Variants in KIF13A observed in about 807,000 individuals in gnomAD.
The protein encoded by KIF13A is kinesin-like protein KIF13A.
KIF13A carries 79 observed loss-of-function variants against 212.2 expected under a neutral mutation model. That is an observed-to-expected ratio of 0.37 (90% CI 0.31 to 0.45). KIF13A has a LOEUF of 0.45. KIF13A is among the 20% of genes least tolerant of loss of function. The pLI is 1.00. For synonymous variants in KIF13A, 789 were observed against 808.6 expected (o/e 0.98, Z 0.41); for missense variants, 1,901 against 2,209.0 (o/e 0.86, Z 2.79).
chr6:17,908,801 GAC>G (rs1773764439), intron 2 of KIF13A, among the ~76,000 whole-genome samples: 1 of 152,024 alleles, frequency 6.6e-6, no homozygotes, highest in Admixed American at 6.5e-5. Context: ...TGATTTTTTG[GAC>G]TACTTTGGTA....
intron 38 of KIF13A, chr6:17,770,671 G>T: frequency 4.3e-6 from 1 of 232,474 alleles, no homozygotes; most frequent in Non-Finnish European, 7.2e-6. Context: ...AATTATCTTG[G>T]CAATAGCATC....
chr6:17,765,236 A>C (rs1758842011), intron 38 of KIF13A, among the ~76,000 whole-genome samples: 1 of 152,226 alleles, frequency 6.6e-6, no homozygotes, highest in South Asian at 2.1e-4. Context: ...GTTTAAGAGA[A>C]AGAATGGAAC....
In KIF13A at chr6:17,895,738, T is replaced by C. The variant is rs904423566; in HGVS notation, c.159+2430A>G. On this transcript the variant is annotated intron_variant, in intron 3 of 38. Transcript: ENST00000259711. The surrounding 1 kb of genome is among the most constrained non-coding windows in gnomAD (Gnocchi z 4.4). ...GGCATATATCTAAATGCTAGGTTCA[T>C]CTCTCTAAATTTTTACCTCTTTCTG... 2.6e-5 allele frequency among the ~76,000 whole-genome samples: 4 copies of C among 152,332 alleles called. No individual in the cohort carries two copies. Among genetic ancestry groups the C allele is most frequent in the Middle Eastern group, 3.4e-3 (1 of 294 alleles).
intron 9 of KIF13A, among the ~76,000 whole-genome samples, chr6:17,842,273 A>AC: frequency 6.6e-6 from 1 of 151,798 alleles, no homozygotes; most frequent in East Asian, 1.9e-4. Context: ...TTGGTCTCGA[A>AC]CACCTGGGCT....
At chr6:17,957,405 T>C (rs1461352589) in intron 2 of KIF13A, among the ~76,000 whole-genome samples, 1 of 152,170 alleles carries the variant, frequency 6.6e-6, no homozygotes, top group East Asian at 1.9e-4. Flanking sequence ...GACCTCGCCC[T>C]ATGTATCTCT....
rs1409391348 is a variant in KIF13A, at chr6:17,771,885, G to A, written c.4476+23C>T. The A allele has an allele frequency of 5.6e-6, 9 of 1,613,036 alleles. No individual in the cohort carries two copies. The highest frequency in any genetic ancestry group is 6.8e-6 in the Non-Finnish European group (8 of 1,179,232). The stretch of plus-strand genomic sequence containing the variant: ...ACACAACTCTGCTCTATTCTGCATA[G>A]TACAGACAAGTCAAGCATTTACCTC... On this transcript the variant is annotated intron_variant, in intron 37 of 38. Coordinates refer to ENST00000259711, the MANE Select transcript of KIF13A (RefSeq NM_022113.6). The surrounding 1 kb of genome is among the most constrained non-coding windows in gnomAD (Gnocchi z 5.4).
At chr6:17,944,074 T>A (rs1290945409) in intron 2 of KIF13A, among the ~76,000 whole-genome samples, 5 of 152,240 alleles carry the variant, frequency 3.3e-5, no homozygotes, top group Admixed American at 2.0e-4. Context: ...AACTCTACGT[T>A]ATTATCTATA....
At chr6:17,840,886 T>G (rs1394865886) in intron 9 of KIF13A, among the ~76,000 whole-genome samples, 1 of 152,104 alleles carries the variant, frequency 6.6e-6, no homozygotes, top group African/African-American at 2.4e-5. Context: ...CAATTTTCCT[T>G]TTGTAAAGGA....
intron 2 of KIF13A, among the ~76,000 whole-genome samples, chr6:17,933,111 A>C (rs1028097353): frequency 6.6e-6 from 1 of 152,150 alleles, no homozygotes; most frequent in African/African-American, 2.4e-5. Flanking sequence ...TCCTGGGCCC[A>C]GTTTCTCTTC....
intron 3 of KIF13A, among the ~76,000 whole-genome samples, chr6:17,882,680 G>A (rs1425393186): frequency 6.6e-6 from 1 of 151,870 alleles, no homozygotes; most frequent in African/African-American, 2.4e-5. Context: ...CCTTGCCTCA[G>A]CCTCCTGAGT....
chr6:17,891,065 T>C (rs190094654), intron 3 of KIF13A, among the ~76,000 whole-genome samples: 53 of 152,278 alleles, frequency 3.5e-4, no homozygotes, highest in African/African-American at 1.2e-3. Flanking sequence ...CTACAAATTA[T>C]GAGACAAAGC....
intron 19 of KIF13A, 76 bp from the exon 20 acceptor site, chr6:17,804,586 G>T: frequency 5.4e-6 from 7 of 1,284,412 alleles, no homozygotes; most frequent in Non-Finnish European, 7.3e-6. Context: ...TTTAAAACTA[G>T]CATTTGAAAA....
At chr6:17,932,786 G>C (rs1002321447) in intron 2 of KIF13A, among the ~76,000 whole-genome samples, 3 of 144,412 alleles carry the variant, frequency 2.1e-5, no homozygotes, top group Non-Finnish European at 3.0e-5. Context: ...CGAGGAGGAA[G>C]TCTGTGAGAA....
chr6:17,916,463 G>A (rs188513258), intron 2 of KIF13A, among the ~76,000 whole-genome samples: 7 of 152,318 alleles, frequency 4.6e-5, no homozygotes, highest in Non-Finnish European at 8.8e-5. Flanking sequence ...AAGGTTGCAA[G>A]TTTCTCTTCC....
rs1777469298 is a variant in KIF13A at position 17,947,125 on chromosome 6, G to C, written c.146+39929C>G. On this transcript the variant is annotated intron_variant, in intron 2 of 38. Coordinates refer to ENST00000259711, the MANE Select transcript of KIF13A (RefSeq NM_022113.6). The surrounding 1 kb of genome is among the most constrained non-coding windows in gnomAD (Gnocchi z 4.6). Reference sequence around the variant, plus strand: ...AAAACCAGGCAAATATAATATTAAAGTTGTTAAATTATAAAGAAAACTAAG... The same window carrying C: ...AAAACCAGGCAAATATAATATTAAACTTGTTAAATTATAAAGAAAACTAAG... Among the ~76,000 whole-genome samples the C allele has an allele frequency of 6.6e-6, 1 of 152,202 alleles. No individual in the cohort carries two copies. The highest frequency in any genetic ancestry group is 2.4e-5 in the African/African-American group (1 of 41,532).
At position 17,799,656 on chromosome 6, in the gene KIF13A, C is replaced by T. The variant is rs966469353; in HGVS notation, c.2617-217G>A. ...GTATATAAACTTGGCAACAAATACA[C>T]ACATTCCTGCAAAAGCTTCCTAATG... On this transcript the variant is annotated intron_variant, in intron 21 of 38. Coordinates refer to ENST00000259711, the MANE Select transcript of KIF13A (RefSeq NM_022113.6). The surrounding 1 kb of genome is among the most constrained non-coding windows in gnomAD (Gnocchi z 4.4). Among the ~76,000 whole-genome samples, 2 of 152,132 alleles carry T rather than the reference C, an allele frequency of 1.3e-5. No individual in the cohort carries two copies. The highest frequency in any genetic ancestry group is 4.8e-5 in the African/African-American group (2 of 41,444).
rs77557691 is a variant in KIF13A at position 17,786,096 on chromosome 6, A to G, written c.3362-455T>C. Among the ~76,000 whole-genome samples the G allele has an allele frequency of 1.5e-3, 229 of 152,340 alleles. 1 individual carries two copies. Among genetic ancestry groups the G allele is most frequent in the African/African-American group, 5.2e-3 (218 of 41,576 alleles). ...AGGAACTGCAAGCCAGAAATAGCAG[A>G]AAGAGCATTGGAACAGCAATTATGA... On this transcript the variant is annotated intron_variant, in intron 27 of 38. Coordinates refer to ENST00000259711, the MANE Select transcript of KIF13A (RefSeq NM_022113.6). This position sits in a 1 kb window ranked among gnomAD's most constrained non-coding sequence, Gnocchi z 5.4.
chr6:17,944,993 T>C (rs964581237), intron 2 of KIF13A, among the ~76,000 whole-genome samples: 5 of 152,204 alleles, frequency 3.3e-5, no homozygotes, highest in Admixed American at 6.5e-5. Flanking sequence ...CACTTCTAGG[T>C]TGGGCACAGT....
Position 17,900,222 on chromosome 6 carries a change from A to C in KIF13A, c.147-2042T>G, listed in dbSNP as rs577729913. ...CCAGTGAGCTCTCTGGAGTTCTCTT[A>C]TGTGCCCTTTATGCCACAGCCACAG... On this transcript the variant is annotated intron_variant, in intron 2 of 38. Coordinates refer to ENST00000259711, the MANE Select transcript of KIF13A (RefSeq NM_022113.6). The surrounding 1 kb of genome is among the most constrained non-coding windows in gnomAD (Gnocchi z 4.6). Among the ~76,000 whole-genome samples the C allele has an allele frequency of 8.6e-4, 131 of 152,326 alleles. No homozygotes were observed. The highest frequency in any genetic ancestry group is 1.7e-3 in the Non-Finnish European group (117 of 68,022).
Sources: gnomAD v4.1 joint callset for allele counts (sites outside exome capture counted in the v4.1 genomes callset) on GRCh38, gnomAD v4.1.1 for gene constraint, Gnocchi (gnomAD v3.1) non-coding constraint, MANE v1.5 for transcripts, NCBI Gene and HGNC (gene_info 2026-07-23, HGNC 2026-07-21) for gene names.